TRIM66: variants seen among roughly 807,000 people sequenced by gnomAD.
The protein encoded by TRIM66 is tripartite motif-containing protein 66.
Under a neutral mutation model 148.2 loss-of-function variants are expected in TRIM66, and 99 were observed. That is an observed-to-expected ratio of 0.67 (90% CI 0.57 to 0.79). The LOEUF (loss-of-function observed/expected upper bound fraction) is 0.79, where lower values mean the gene tolerates loss of function less well. Ranked by LOEUF, TRIM66 falls within the 30% of genes least tolerant of loss-of-function variation. The pLI is 0.00. For synonymous variants in TRIM66, 616 were observed against 635.9 expected, an observed-to-expected ratio of 0.97 and a Z score of 0.47; for missense variants, 1,666 against 1,697.9, an observed-to-expected ratio of 0.98 and a Z score of 0.33.
rs1174634336 is a variant in TRIM66 at position 8,624,874 on chromosome 11, T to C, written c.2665A>G (p.Thr889Ala). ...QAGPSLMSGH[T>A]QAVPSLATCP... ...GTTGCCAGACTCGGCACAGCCTGGG[T>C]GTGACCAGACATTAGGCTGGGCCCA... The change falls in exon 16 of 25, where the codon ACC (threonine) becomes GCC (alanine). Residue 889 changes from threonine (T) to alanine (A), a missense_variant. By Grantham distance (58) the Thr-to-Ala change is moderately conservative (BLOSUM62 0). This residue lies in a region of TRIM66 where 1,431 missense variants were observed against 1,412.4 expected (regional missense o/e 1.01). Coordinates refer to ENST00000646038, the MANE Select transcript of TRIM66 (RefSeq NM_001388022.1). 6.4e-7 allele frequency: 1 copy of C among 1,551,644 alleles called. No individual in the cohort carries two copies. The highest frequency in any genetic ancestry group is 2.4e-5 in the East Asian group (1 of 40,902).
upstream of TRIM66, chr11:8,682,784 AG>A (rs746349413): frequency 1.2e-6 from 2 of 1,613,572 alleles, no homozygotes; most frequent in Non-Finnish European, 8.5e-7. Flanking sequence ...GACTTGGCGA[AG>A]GCCTTCCTTT....
rs760302341 is a variant in TRIM66 at position 8,618,853 on chromosome 11, G to C, written c.4016C>G (p.Ser1339Cys). ...FAQPRQEDSD[S>C]EEVSSESGCS... ...TCCACTCTCACTAGACACCTCCTCG[G>C]AGTCTGAGTCCTCCTGCCTTGGCTG... Residue 1339 changes from serine to cysteine, a missense_variant, in exon 24 of 25, where the codon TCC becomes TGC. By Grantham distance (112) the Ser-to-Cys change is moderately radical (BLOSUM62 -1). Around this residue, in one of 3 missense-constraint regions of TRIM66, gnomAD observed 204 missense variants for 231.0 expected, o/e 0.88. Transcript: ENST00000646038. 21 of 1,551,298 alleles carry C rather than the reference G, an allele frequency of 1.4e-5. No homozygotes were observed. In the South Asian group the frequency reaches 2.5e-4, roughly 18 times the overall value.
Position 8,620,040 on chromosome 11 carries a change from C to T in TRIM66, c.3747+10G>A, listed in dbSNP as rs1452421498. 1 of 1,551,260 alleles carries T rather than the reference C, an allele frequency of 6.4e-7. No homozygotes were observed. The highest frequency in any genetic ancestry group is 2.0e-5 in the Admixed American group (1 of 50,968). The stretch of plus-strand genomic sequence containing the variant: ...AGGAGAAGGTGAGAGAACAGCGTGG[C>T]CTTCCTTACCAGGGGGCTGACAGGT... On this transcript the variant is annotated intron_variant, in intron 22 of 24. Coordinates refer to ENST00000646038, the MANE Select transcript of TRIM66 (RefSeq NM_001388022.1).
chr11:8,672,200 T>C, intron 5 of TRIM66, 48 bp downstream of exon 5: 1 of 1,535,898 alleles, frequency 6.5e-7, no homozygotes, highest in Non-Finnish European at 8.7e-7. Flanking sequence ...GTCCAGGCCA[T>C]GTTCCTCTCC....
intron 12 of TRIM66, among the ~76,000 whole-genome samples, chr11:8,644,138 C>G (rs955439039): frequency 1.3e-5 from 2 of 152,158 alleles, no homozygotes; most frequent in Admixed American, 6.5e-5. Context: ...CCTCTCCAAG[C>G]CCTGCTCCTT....
chr11:8,674,751 T>C (rs2039100817), intron 4 of TRIM66, 55 bp downstream of exon 4: 1 of 152,214 alleles, frequency 6.6e-6, no homozygotes, highest in African/African-American at 2.4e-5. Context: ...TTGTTTCTCA[T>C]ATGTGCCAAA....
intron 10 of TRIM66, 142 bp from the exon 11 acceptor site, chr11:8,646,703 C>G: frequency 1.6e-6 from 1 of 640,774 alleles, no homozygotes; most frequent in Admixed American, 2.8e-5. Flanking sequence ...AAAAAGAGAG[C>G]CTTCCTCCAC....
At chr11:8,619,563 A>C in intron 22 of TRIM66, 28 bp from the exon 23 acceptor site, 1 of 1,499,882 alleles carries the variant, frequency 6.7e-7, no homozygotes, top group Non-Finnish European at 8.9e-7. Flanking sequence ...GAGGAGAAGG[A>C]GGCAAAGGGA....
In TRIM66 at chr11:8,621,210, G is replaced by C. The variant is rs1401561138; in HGVS notation, c.3367C>G (p.Pro1123Ala). Residue 1123 changes from proline to alanine, a missense_variant, in exon 20 of 25, where the codon CCT becomes GCT. By Grantham distance (27) the Pro-to-Ala change is conservative. Around this residue, in one of 3 missense-constraint regions of TRIM66, gnomAD observed 1,431 missense variants for 1,412.4 expected, o/e 1.01. Transcript: ENST00000646038. ...CGAGGAATGAGTCTGTGTTCTTCAG[G>C]AGATGTGCCCTCCACTTCTGGTGGC... is the stretch of plus-strand genomic sequence containing the variant. ...QRPPEVEGTS[P>A]EEHRLIPRTP... 1 of 1,551,700 alleles carries C rather than the reference G, an allele frequency of 6.4e-7. No homozygotes were observed. Among genetic ancestry groups the C allele is most frequent in the Admixed American group, 2.0e-5 (1 of 51,006 alleles).
chr11:8,640,370 G>A lies in TRIM66; in HGVS notation c.2005C>T (p.Leu669Phe). ...LEEMQKDLEL[L>F]LQAQQPSLQL... is the part of the protein sequence containing the mutation. ...AGGCTGGGCTGTTGAGCCTGGAGAAGAAGCTCCAAGTCCTTCTGCATTTCC... is the reference window on the plus strand; with the variant it reads ...AGGCTGGGCTGTTGAGCCTGGAGAAAAAGCTCCAAGTCCTTCTGCATTTCC... The change falls in exon 14 of 25, where the codon CTT becomes TTT. Residue 669 changes from leucine to phenylalanine, a missense_variant. Leu to Phe is a conservative substitution (Grantham distance 22, BLOSUM62 0). Transcript: ENST00000646038. 6.4e-7 allele frequency: 1 copy of A among 1,551,800 alleles called. No individual in the cohort carries two copies. The highest frequency in any genetic ancestry group is 8.7e-7 in the Non-Finnish European group (1 of 1,147,046).
intron 12 of TRIM66, among the ~76,000 whole-genome samples, chr11:8,643,415 C>T (rs1256089410): frequency 1.3e-5 from 2 of 151,570 alleles, no homozygotes; most frequent in African/African-American, 4.9e-5. Flanking sequence ...TCTTAGCTCA[C>T]TGCAAGCTTT....
At chr11:8,651,941 T>C (rs1385152376) in intron 6 of TRIM66, 38 bp from the exon 7 acceptor site, 4 of 1,504,426 alleles carry the variant, frequency 2.7e-6, no homozygotes, top group Non-Finnish European at 3.6e-6. Flanking sequence ...CAGGGCAACA[T>C]GGCTGATTAT....
chr11:8,661,983 G>A (rs2038290186), intron 6 of TRIM66, among the ~76,000 whole-genome samples: 1 of 152,154 alleles, frequency 6.6e-6, no homozygotes, highest in Non-Finnish European at 1.5e-5. Flanking sequence ...CGGGGGAATT[G>A]CTCTCCCAGT....
intron 13 of TRIM66, 42 bp downstream of exon 13, chr11:8,642,967 C>T (rs765185055): frequency 6.9e-7 from 1 of 1,446,144 alleles, no homozygotes; most frequent in Non-Finnish European, 9.3e-7. Context: ...TAAGTCAAAG[C>T]CCACAGGGTG....
intron 19 of TRIM66, 128 bp downstream of exon 19, chr11:8,621,517 C>T (rs891377942): frequency 4.6e-5 from 61 of 1,336,030 alleles, no homozygotes; most frequent in Admixed American, 4.3e-4. Flanking sequence ...CAGGGGACAA[C>T]GTCTGGCCAA....
At chr11:8,620,192 T>C (rs11042014) in intron 21 of TRIM66, 68 bp from the exon 22 acceptor site, 1 of 1,455,330 alleles carries the variant, frequency 6.9e-7, no homozygotes. Context: ...CTAAAGATGT[T>C]GACCCTGATA....
chr11:8,649,823 A>T lies in TRIM66; in HGVS notation c.509T>A (p.Leu170Gln). 2 of 1,551,720 alleles carry T rather than the reference A, an allele frequency of 1.3e-6. No homozygotes were observed. The highest frequency in any genetic ancestry group is 1.7e-6 in the Non-Finnish European group (2 of 1,146,996). Residue 170 changes from leucine (L) to glutamine (Q), a missense_variant, in exon 8 of 25, where the codon CTG (leucine) becomes CAG (glutamine). Physicochemically the swap from Leu to Gln is moderately radical, Grantham distance 113. This residue lies in a region of TRIM66 where 1,431 missense variants were observed against 1,412.4 expected (regional missense o/e 1.01). Coordinates refer to ENST00000646038, the MANE Select transcript of TRIM66 (RefSeq NM_001388022.1). ...GTGTTCCTCTGTGCAAGAGCTGCACAGCCAGCGATTGCAGTAGGTGCAGAG... is the reference window on the plus strand; with the variant it reads ...GTGTTCCTCTGTGCAAGAGCTGCACTGCCAGCGATTGCAGTAGGTGCAGAG... The part of the protein sequence containing the change: ...HILCTYCNRW[L>Q]CSSCTEEHRH...
At chr11:8,661,117 T>C (rs1440743879) in intron 6 of TRIM66, among the ~76,000 whole-genome samples, 1 of 152,158 alleles carries the variant, frequency 6.6e-6, no homozygotes, top group Non-Finnish European at 1.5e-5. Context: ...TAGCAATAAG[T>C]GAAGTGACGT....
intron 15 of TRIM66, among the ~76,000 whole-genome samples, chr11:8,637,460 C>T (rs1158122048): frequency 6.6e-6 from 1 of 152,138 alleles, no homozygotes. Flanking sequence ...ACCTCAAGGG[C>T]CTCTATGCCA....
Sources: allele counts gnomAD v4.1 joint callset (sites outside exome capture counted in the v4.1 genomes callset), GRCh38; gene constraint gnomAD v4.1.1; regional missense constraint gnomAD v4.1.1; transcripts MANE v1.5; gene names NCBI Gene and HGNC (gene_info 2026-07-23, HGNC 2026-07-21).